ADGRA3: variants seen among roughly 807,000 people sequenced by gnomAD.
The protein encoded by ADGRA3 is G-protein coupled receptor 125.
In ADGRA3, 56 loss-of-function variants were observed where a neutral mutation model predicts 119.8. The ratio of observed to expected loss-of-function variants is 0.47; its 90% CI spans 0.38 to 0.58. The LOEUF (loss-of-function observed/expected upper bound fraction) is 0.58. Ranked by LOEUF, ADGRA3 falls within the 20% of genes least tolerant of loss-of-function variation. ADGRA3 has a pLI of 0.00. For synonymous variants in ADGRA3, 607 were observed against 623.8 expected (o/e 0.97, Z 0.40); for missense variants, 1,516 against 1,649.0 (o/e 0.92, Z 1.40).
At chr4:22,414,389 C>A in intron 12 of ADGRA3, 1 of 449,172 alleles carries the variant, frequency 2.2e-6, no homozygotes, top group African/African-American at 2.0e-5. Context: ...CACATAGGAA[C>A]AACTGAAAAT....
chr4:22,438,808 C>A (rs1716498426), intron 7 of ADGRA3, among the ~76,000 whole-genome samples: 1 of 152,062 alleles, frequency 6.6e-6, no homozygotes, highest in African/African-American at 2.4e-5. Flanking sequence ...TCAAGATCAG[C>A]CTGGCGAAAC....
In ADGRA3 at chr4:22,442,657, T is replaced by C. The variant is rs753993728; in HGVS notation, c.913A>G (p.Ile305Val). The change falls in exon 7 of 19, where the codon ATT (isoleucine) becomes GTT (valine). Residue 305 changes from isoleucine to valine, a missense_variant. Around this residue, in one of 2 missense-constraint regions of ADGRA3, gnomAD observed 428 missense variants for 541.9 expected, o/e 0.79. Coordinates refer to ENST00000334304, the MANE Select transcript of ADGRA3 (RefSeq NM_145290.4). ...AAAAAAAAAAAAGTTTACCTTGCAATCAAGGAGCAGTTGTGAATCATGTTC... is the reference window on the plus strand; with the variant it reads ...AAAAAAAAAAAAGTTTACCTTGCAACCAAGGAGCAGTTGTGAATCATGTTC... Reference protein sequence around the residue: ...EKNMIHNCSLIASALTISNIQ... With the variant: ...EKNMIHNCSLVASALTISNIQ... 2.5e-6 allele frequency: 4 copies of C among 1,595,268 alleles called. No homozygotes were observed. Among genetic ancestry groups the C allele is most frequent in the Admixed American group, 3.4e-5 (2 of 59,022 alleles).
intron 1 of ADGRA3, among the ~76,000 whole-genome samples, chr4:22,482,331 C>T (rs929883756): frequency 1.1e-4 from 17 of 152,022 alleles, no homozygotes; most frequent in Non-Finnish European, 2.9e-5. Context: ...TCATATTGTG[C>T]AGTGAATATA....
intron 1 of ADGRA3, chr4:22,477,697 G>T (rs1718098844): frequency 6.6e-6 from 1 of 152,174 alleles, no homozygotes; most frequent in African/African-American, 2.4e-5. Context: ...AGAAATGATA[G>T]ATTTTATTGA....
intron 16 of ADGRA3, among the ~76,000 whole-genome samples, chr4:22,401,075 C>G (rs1358424558): frequency 6.6e-6 from 1 of 151,970 alleles, no homozygotes; most frequent in African/African-American, 2.4e-5. Flanking sequence ...TTGTTTTCAT[C>G]AACACATAAA....
intron 12 of ADGRA3, among the ~76,000 whole-genome samples, chr4:22,415,753 GA>G (rs1200321233): frequency 6.6e-6 from 1 of 151,738 alleles, no homozygotes; most frequent in Non-Finnish European, 1.5e-5. Flanking sequence ...TTTTTTAAAA[GA>G]AAGTTAAAAT....
intron 16 of ADGRA3, chr4:22,392,968 A>G (rs1714197908): frequency 3.4e-6 from 1 of 294,330 alleles, no homozygotes; most frequent in Non-Finnish European, 6.2e-6. Context: ...ACTGGCTCCC[A>G]GACATTAAAC....
chr4:22,472,394 C>A (rs896689862), intron 2 of ADGRA3, among the ~76,000 whole-genome samples: 1 of 152,138 alleles, frequency 6.6e-6, no homozygotes, highest in Admixed American at 6.6e-5. Flanking sequence ...TATGAAGGAC[C>A]GCCCTTAGCT....
At chr4:22,458,977 C>A (rs1717346209) in intron 3 of ADGRA3, among the ~76,000 whole-genome samples, 1 of 152,118 alleles carries the variant, frequency 6.6e-6, no homozygotes, top group Non-Finnish European at 1.5e-5. Context: ...GTAGGAAATT[C>A]CCTACTGATT....
chr4:22,481,600 T>C (rs1718263018), intron 1 of ADGRA3, among the ~76,000 whole-genome samples: 1 of 152,228 alleles, frequency 6.6e-6, no homozygotes, highest in African/African-American at 2.4e-5. Context: ...TTTATTTTTA[T>C]TTGTATGTTT....
chr4:22,428,387 C>A (rs911757059), intron 10 of ADGRA3, among the ~76,000 whole-genome samples: 1 of 151,876 alleles, frequency 6.6e-6, no homozygotes, highest in Non-Finnish European at 1.5e-5. Context: ...TTCACATACC[C>A]AGTAAAAATA....
intron 15 of ADGRA3, 58 bp downstream of exon 15, chr4:22,402,616 GA>G: frequency 6.4e-7 from 1 of 1,555,698 alleles, no homozygotes; most frequent in Admixed American, 1.9e-5. Flanking sequence ...AATTAAATGT[GA>G]AATAAAGTCC....
intron 17 of ADGRA3, among the ~76,000 whole-genome samples, chr4:22,391,493 T>C (rs1460884623): frequency 6.6e-6 from 1 of 152,138 alleles, no homozygotes; most frequent in East Asian, 1.9e-4. Context: ...GCCTCAAGCC[T>C]CTCAAACTTG....
chr4:22,414,697 A>G (rs1715361524), intron 12 of ADGRA3: 2 of 646,168 alleles, frequency 3.1e-6, no homozygotes, highest in East Asian at 5.5e-5. Context: ...TAAGTTCACC[A>G]TATAATTTGA....
intron 3 of ADGRA3, among the ~76,000 whole-genome samples, chr4:22,457,400 A>C (rs969583787): frequency 6.6e-6 from 1 of 152,232 alleles, no homozygotes; most frequent in African/African-American, 2.4e-5. Flanking sequence ...ATCTATGAGC[A>C]ACTAGCAAAC....
At chr4:22,392,445 C>G in intron 17 of ADGRA3, 100 bp downstream of exon 17, 1 of 1,431,564 alleles carries the variant, frequency 7.0e-7, no homozygotes, top group South Asian at 1.3e-5. Flanking sequence ...CAAGTCCGTT[C>G]TTTTACTTCC....
At chr4:22,483,387 C>T (rs1418271896) in intron 1 of ADGRA3, among the ~76,000 whole-genome samples, 5 of 152,144 alleles carry the variant, frequency 3.3e-5, no homozygotes, top group Admixed American at 6.5e-5. Flanking sequence ...GACATAATGA[C>T]ATAGCACCTA....
rs748694970 is a variant in ADGRA3, at chr4:22,388,455, G to A, written c.3216C>T (p.Val1072=). 3 of 1,613,962 alleles carry A rather than the reference G, an allele frequency of 1.9e-6. No individual in the cohort carries two copies. The highest frequency in any genetic ancestry group is 4.5e-5 in the East Asian group (2 of 44,858). Residue 1072 remains valine, a synonymous_variant, in exon 19 of 19, where the codon GTC becomes GTT. Transcript: ENST00000334304. Reference sequence around the variant, plus strand: ...CATTAGAGTTGGGGGGCTGGACGTTGACTTGCACTGAATACGAGCTCCGTC... The same window carrying A: ...CATTAGAGTTGGGGGGCTGGACGTTAACTTGCACTGAATACGAGCTCCGTC... ...CPGRSSYSVQ[V]NVQPPNSNGT... is the part of the protein sequence containing the mutation.
At chr4:22,495,045 T>C (rs1718762281) in intron 1 of ADGRA3, among the ~76,000 whole-genome samples, 1 of 152,018 alleles carries the variant, frequency 6.6e-6, no homozygotes, top group Non-Finnish European at 1.5e-5. Flanking sequence ...ATTATAACAA[T>C]GTACTGTAAT....
Sources: allele counts gnomAD v4.1 joint callset (sites outside exome capture counted in the v4.1 genomes callset), GRCh38; gene constraint gnomAD v4.1.1; regional missense constraint gnomAD v4.1.1; transcripts MANE v1.5; gene names NCBI Gene and HGNC (gene_info 2026-07-23, HGNC 2026-07-21).